Variants in KCNQ1 observed in about 807,000 individuals in gnomAD.
The protein encoded by KCNQ1 is potassium voltage-gated channel subfamily KQT member 1.
KCNQ1 carries 49 observed loss-of-function variants against 72.4 expected under a neutral mutation model. The observed-to-expected ratio is 0.68, with a 90% CI of 0.54 to 0.86. The LOEUF (loss-of-function observed/expected upper bound fraction) is 0.86, where lower values mean the gene tolerates loss of function less well. Among genes scored for constraint, KCNQ1 ranks in the 40% least tolerant of loss-of-function variants. KCNQ1 has a pLI of 0.00. For missense variants in KCNQ1, 790 were observed against 945.1 expected (o/e 0.84, Z 2.15); for synonymous variants, 450 against 412.6 (o/e 1.09, Z -1.10).
intron 1 of KCNQ1, among the ~76,000 whole-genome samples, chr11:2,512,063 G>A (rs896906925): frequency 6.6e-6 from 1 of 152,242 alleles, no homozygotes; most frequent in Non-Finnish European, 1.5e-5. Flanking sequence ...GTCGGGCTCG[G>A]CGTGCAAGAT....
Position 2,670,701 on chromosome 11 carries a change from T to TGCAG in KCNQ1, c.1514+8621_1514+8622insCAGG. Reference sequence around the variant, plus strand: ...TAGCAGTAACAAGACAAAGGGATTCTGTGGCCCATGGAGCAGGAGGGAACA... The same window carrying TGCAG: ...TAGCAGTAACAAGACAAAGGGATTCTGCAGGTGGCCCATGGAGCAGGAGGGAACA... On this transcript the variant is annotated intron_variant, in intron 11 of 15. Transcript: ENST00000155840. This position sits in a 1 kb window ranked among gnomAD's most constrained non-coding sequence, Gnocchi z 4.9. 2.5e-6 allele frequency: 1 copy of TGCAG among 398,552 alleles called. No individual in the cohort carries two copies. Among genetic ancestry groups the TGCAG allele is most frequent in the Non-Finnish European group, 4.4e-6 (1 of 226,124 alleles). The allele number at this position is 398,552 out of a possible 1,614,324, so 24.7% of individuals were successfully genotyped here.
chr11:2,674,405 G>T lies in KCNQ1; in HGVS notation c.1514+12324G>T, dbSNP rs1850250978. On this transcript the variant is annotated intron_variant, in intron 11 of 15. Transcript: ENST00000155840. The surrounding 1 kb of genome is among the most constrained non-coding windows in gnomAD (Gnocchi z 5.9). ...GGAAGGTGCATGCGTGCGTGTGTGTGTGCGCGCCCGCGCGCACACGACCAC... is the reference window on the plus strand; with the variant it reads ...GGAAGGTGCATGCGTGCGTGTGTGTTTGCGCGCCCGCGCGCACACGACCAC... 2.5e-6 allele frequency: 1 copy of T among 398,346 alleles called. No homozygotes were observed. Among genetic ancestry groups the T allele is most frequent in the Non-Finnish European group, 4.4e-6 (1 of 226,022 alleles). The allele number at this position is 398,346 out of a possible 1,614,324, so 24.7% of individuals were successfully genotyped here.
Position 2,770,509 on chromosome 11 carries a change from G to A in KCNQ1, c.1590+1590G>A, listed in dbSNP as rs114748058. 2.9e-3 allele frequency among the ~76,000 whole-genome samples: 437 copies of A among 152,348 alleles called. 2 individuals carry two copies. The highest frequency in any genetic ancestry group is 0.01 in the African/African-American group (422 of 41,586). ...GCCACCGGGCCACCATCTCCAGGGG[G>A]GTTTCGCATGCACAGCCCTCCCACA... On this transcript the variant is annotated intron_variant, in intron 12 of 15. Coordinates refer to ENST00000155840, the MANE Select transcript of KCNQ1 (RefSeq NM_000218.3).
chr11:2,728,778 T>A (rs1382384357), intron 11 of KCNQ1, among the ~76,000 whole-genome samples: 3 of 152,108 alleles, frequency 2.0e-5, no homozygotes, highest in Admixed American at 1.3e-4. Flanking sequence ...GAGCAGAGCG[T>A]CCTCCTGGTC....
intron 11 of KCNQ1, chr11:2,697,152 G>A (rs1850691082): frequency 1.3e-5 from 5 of 398,446 alleles, no homozygotes; most frequent in Middle Eastern, 6.2e-4. Context: ...GACCCCAGTG[G>A]AATATGTGCT....
chr11:2,471,616 G>A lies in KCNQ1; in HGVS notation c.386+26132G>A, dbSNP rs945602021. Among the ~76,000 whole-genome samples, 1 of 151,184 alleles carries A rather than the reference G, an allele frequency of 6.6e-6. No homozygotes were observed. Among genetic ancestry groups the A allele is most frequent in the Non-Finnish European group, 1.5e-5 (1 of 67,718 alleles). ...GGTGCGTGTGCACCTGTGTATATGG[G>A]TGTGTGCACGTATGCACGGATGTGT... On this transcript the variant is annotated intron_variant, in intron 1 of 15. Transcript: ENST00000155840. This position sits in a 1 kb window ranked among gnomAD's most constrained non-coding sequence, Gnocchi z 4.8.
Position 2,537,662 on chromosome 11 carries a change from C to T in KCNQ1, c.477+9644C>T, listed in dbSNP as rs1847755277. On this transcript the variant is annotated intron_variant, in intron 2 of 15. Coordinates refer to ENST00000155840, the MANE Select transcript of KCNQ1 (RefSeq NM_000218.3). This position sits in a 1 kb window ranked among gnomAD's most constrained non-coding sequence, Gnocchi z 5.2. ...CTTCTGCCATTTGCTCTGCACGTTTCTCTCTATATGCAAAAACCTATATGG... is the reference window on the plus strand; with the variant it reads ...CTTCTGCCATTTGCTCTGCACGTTTTTCTCTATATGCAAAAACCTATATGG... Among the ~76,000 whole-genome samples the T allele has an allele frequency of 6.6e-6, 1 of 151,102 alleles. No homozygotes were observed. Among genetic ancestry groups the T allele is most frequent in the South Asian group, 2.1e-4 (1 of 4,838 alleles).
chr11:2,811,119 C>T (rs747732519), intron 15 of KCNQ1, among the ~76,000 whole-genome samples: 7 of 152,232 alleles, frequency 4.6e-5, no homozygotes, highest in Non-Finnish European at 8.8e-5. Context: ...CACCCTCAGG[C>T]TGTGCACCTC....
In KCNQ1 at chr11:2,468,386, A is replaced by T. The variant is rs893732865; in HGVS notation, c.386+22902A>T. Among the ~76,000 whole-genome samples, 5 of 152,224 alleles carry T rather than the reference A, an allele frequency of 3.3e-5. No individual in the cohort carries two copies. Among genetic ancestry groups the T allele is most frequent in the African/African-American group, 9.7e-5 (4 of 41,448 alleles). ...AGTCTCAAGCTCCTGAGCTCAAGCG[A>T]TCTGCCTGCCTCAGCCTCCCAAAGT... On this transcript the variant is annotated intron_variant, in intron 1 of 15. Coordinates refer to ENST00000155840, the MANE Select transcript of KCNQ1 (RefSeq NM_000218.3). This position sits in a 1 kb window ranked among gnomAD's most constrained non-coding sequence, Gnocchi z 5.7.
At chr11:2,799,501 ATGTGGTGTGTCTTCTACGTGTGAG>A in intron 15 of KCNQ1, among the ~76,000 whole-genome samples, 1 of 150,074 alleles carries the variant, frequency 6.7e-6, no homozygotes, top group East Asian at 2.0e-4. Context: ...GTTTTGTTGT[ATGTGGTGTGTCTTCTACGTGTGAG>A]TGTGGTGTGT....
Position 2,659,961 on chromosome 11 carries a change from A to G in KCNQ1, c.1394-2000A>G, listed in dbSNP as rs1415185085. 6.3e-5 allele frequency: 25 copies of G among 398,430 alleles called. No homozygotes were observed. The East Asian group carries it at 8.9e-4, about 14-fold the overall frequency. 24.7% of individuals were successfully genotyped at this position (398,430 alleles called of 1,614,324 possible). A position where few individuals can be genotyped will look rare whatever the true frequency, so the allele number is the denominator to read the frequency against. ...GCAAGTCCTTGACCTGATAGGTGAT[A>G]TGCAAATATTCTTTCCAAGTCTGTG... On this transcript the variant is annotated intron_variant, in intron 10 of 15. Coordinates refer to ENST00000155840, the MANE Select transcript of KCNQ1 (RefSeq NM_000218.3). This position sits in a 1 kb window ranked among gnomAD's most constrained non-coding sequence, Gnocchi z 4.3.
intron 11 of KCNQ1, among the ~76,000 whole-genome samples, chr11:2,717,226 C>T (rs1851107910): frequency 6.6e-6 from 1 of 152,210 alleles, no homozygotes; most frequent in South Asian, 2.1e-4. Flanking sequence ...GACCCCACGG[C>T]TTGGTCGGGT....
chr11:2,590,615 C>T (rs997337887), intron 10 of KCNQ1, among the ~76,000 whole-genome samples: 2 of 152,254 alleles, frequency 1.3e-5, no homozygotes, highest in African/African-American at 4.8e-5. Context: ...ACATCACGCA[C>T]GTGGGCCTTG....
intron 1 of KCNQ1, among the ~76,000 whole-genome samples, chr11:2,448,068 G>A (rs1440921782): frequency 1.3e-5 from 2 of 152,218 alleles, no homozygotes; most frequent in East Asian, 1.9e-4. Flanking sequence ...GCCCCCACTG[G>A]GGGCAGCTCC....
chr11:2,724,022 C>A lies in KCNQ1; in HGVS notation c.1515-44822C>A, dbSNP rs974364161. 3.3e-5 allele frequency among the ~76,000 whole-genome samples: 5 copies of A among 152,128 alleles called. No individual in the cohort carries two copies. The highest frequency in any genetic ancestry group is 7.4e-5 in the Non-Finnish European group (5 of 68,002). On this transcript the variant is annotated intron_variant, in intron 11 of 15. Transcript: ENST00000155840. This position sits in a 1 kb window ranked among gnomAD's most constrained non-coding sequence, Gnocchi z 6.8. ...ATGGCTCTCTGTGTCTGACACAGAG[C>A]CCTGTACTCCATCTATGCAGCCCCC... is the stretch of plus-strand genomic sequence containing the variant.
chr11:2,688,727 C>T (rs186986922), intron 11 of KCNQ1: 62 of 398,924 alleles, frequency 1.6e-4, no homozygotes, highest in South Asian at 8.9e-4. Context: ...TTGGGTGGCC[C>T]GGCTCTGAGC....
rs1356937883 is a variant in KCNQ1 at position 2,598,601 on chromosome 11, C to A, written c.1393+9747C>A. On this transcript the variant is annotated intron_variant, in intron 10 of 15. Coordinates refer to ENST00000155840, the MANE Select transcript of KCNQ1 (RefSeq NM_000218.3). The surrounding 1 kb of genome is among the most constrained non-coding windows in gnomAD (Gnocchi z 6.2). ...CATTGCCTCATTTAGGTCTGCTCTG[C>A]CCTTAGTTAAAAAAAAAAAACCCTA... is the stretch of plus-strand genomic sequence containing the variant. Among the ~76,000 whole-genome samples the A allele has an allele frequency of 2.2e-5, 3 of 134,050 alleles. No homozygotes were observed. The highest frequency in any genetic ancestry group is 4.5e-5 in the Non-Finnish European group (3 of 66,476). The allele number at this position is 134,050 out of a possible 152,430, so 87.9% of individuals were successfully genotyped here.
At chr11:2,707,701 T>C (rs985675012) in intron 11 of KCNQ1, among the ~76,000 whole-genome samples, 10 of 152,178 alleles carry the variant, frequency 6.6e-5, no homozygotes, top group African/African-American at 1.2e-4. Flanking sequence ...CCACCCACTG[T>C]AGAGATGGGA....
chr11:2,551,150 C>T (rs1046162338), intron 2 of KCNQ1, among the ~76,000 whole-genome samples: 2 of 152,106 alleles, frequency 1.3e-5, no homozygotes, highest in African/African-American at 4.8e-5. Flanking sequence ...AAACTCTCCC[C>T]CTCTGTAGAT....
Sources: gnomAD v4.1 joint callset for allele counts (sites outside exome capture counted in the v4.1 genomes callset) on GRCh38, gnomAD v4.1.1 for gene constraint, Gnocchi (gnomAD v3.1) non-coding constraint, MANE v1.5 for transcripts, NCBI Gene and HGNC (gene_info 2026-07-23, HGNC 2026-07-21) for gene names.